CAMTA1: variants seen among roughly 807,000 people sequenced by gnomAD.
CAMTA1 encodes the protein calmodulin binding transcription activator 1.
In CAMTA1, 27 loss-of-function variants were observed where a neutral mutation model predicts 170.9. The ratio of observed to expected loss-of-function variants is 0.16; its 90% CI spans 0.12 to 0.22. The LOEUF (loss-of-function observed/expected upper bound fraction) is 0.22. CAMTA1 is among the 10% of genes least tolerant of loss of function. The pLI, the probability that CAMTA1 is intolerant of heterozygous loss-of-function variation, is 1.00. For synonymous variants in CAMTA1, 833 were observed against 891.5 expected (o/e 0.93, Z 1.17); for missense variants, 1,619 against 2,217.2 (o/e 0.73, Z 5.42).
intron 11 of CAMTA1, among the ~76,000 whole-genome samples, chr1:7,706,114 T>G (rs1412974469): frequency 6.6e-6 from 1 of 152,366 alleles, no homozygotes; most frequent in South Asian, 2.1e-4. Flanking sequence ...GCAGACTGTC[T>G]TCTTAATCAG....
intron 11 of CAMTA1, among the ~76,000 whole-genome samples, chr1:7,704,786 C>T (rs933255779): frequency 2.0e-5 from 3 of 147,260 alleles, no homozygotes; most frequent in Admixed American, 6.7e-5. Flanking sequence ...GCTGAGCGGG[C>T]GCGGGGCCGG....
chr1:7,310,639 T>TC (rs1676380937), intron 5 of CAMTA1, among the ~76,000 whole-genome samples: 1 of 24,154 alleles, frequency 4.1e-5, no homozygotes, highest in African/African-American at 1.8e-4. Flanking sequence ...TTTCTTTCTT[T>TC]CTTTCTTTTT....
chr1:7,442,892 T>G (rs987058537), intron 5 of CAMTA1, among the ~76,000 whole-genome samples: 2 of 152,166 alleles, frequency 1.3e-5, no homozygotes, highest in Non-Finnish European at 1.5e-5. Flanking sequence ...GGTGTTCTTA[T>G]GGAGAAGGCA....
chr1:6,791,475 A>T (rs1641083243), intron 1 of CAMTA1, among the ~76,000 whole-genome samples: 1 of 151,478 alleles, frequency 6.6e-6, no homozygotes, highest in African/African-American at 2.4e-5. Context: ...GATTTTGGAA[A>T]TTTTTTTTTG....
chr1:7,378,076 T>C (rs1374275270), intron 5 of CAMTA1, among the ~76,000 whole-genome samples: 3 of 152,170 alleles, frequency 2.0e-5, no homozygotes, highest in Non-Finnish European at 4.4e-5. Context: ...AGAAAAGGCC[T>C]TTTACAGAAC....
At chr1:7,279,253 C>T (rs1438154802) in intron 5 of CAMTA1, among the ~76,000 whole-genome samples, 1 of 152,182 alleles carries the variant, frequency 6.6e-6, no homozygotes, top group Non-Finnish European at 1.5e-5. Flanking sequence ...AAAAACATTG[C>T]CCACGCTTCT....
At chr1:7,758,044 A>G (rs755018561) in intron 22 of CAMTA1, among the ~76,000 whole-genome samples, 2 of 152,148 alleles carry the variant, frequency 1.3e-5, no homozygotes, top group African/African-American at 2.4e-5. Flanking sequence ...ATATATAGAT[A>G]ATCTTTCTTT....
In CAMTA1 at chr1:7,458,242, C is replaced by T. The variant is rs1039728494; in HGVS notation, c.439-9588C>T. 8.5e-5 allele frequency among the ~76,000 whole-genome samples: 13 copies of T among 152,254 alleles called. No homozygotes were observed. In the South Asian group the frequency reaches 1.0e-3, roughly 12 times the overall value. ...GCACCAGGGCTTCTGATGAGGGAGA[C>T]GGGGTTAACTCCTGCAGGCTTTGCC... On this transcript the variant is annotated intron_variant, in intron 5 of 22. Transcript: ENST00000303635.
At chr1:6,925,688 G>T (rs1413100444) in intron 3 of CAMTA1, among the ~76,000 whole-genome samples, 3 of 152,174 alleles carry the variant, frequency 2.0e-5, no homozygotes, top group African/African-American at 7.2e-5. Context: ...GGAGCAACTA[G>T]CCCCGTGGAG....
chr1:7,765,652 A>G lies in CAMTA1; in HGVS notation c.4990-807A>G, dbSNP rs2097015771. On this transcript the variant is annotated intron_variant, in intron 22 of 22. Coordinates refer to ENST00000303635, the MANE Select transcript of CAMTA1 (RefSeq NM_015215.4). ...AACCTGTGTGAAGGAGTAGAGTTGT[A>G]CAGATGTATGATTAGGTTCAAGAAA... 2.0e-5 allele frequency among the ~76,000 whole-genome samples: 3 copies of G among 152,238 alleles called. No homozygotes were observed. The South Asian group carries it at 6.2e-4, about 31-fold the overall frequency.
intron 9 of CAMTA1, among the ~76,000 whole-genome samples, chr1:7,669,571 A>G (rs928572465): frequency 3.3e-5 from 5 of 152,160 alleles, no homozygotes; most frequent in African/African-American, 4.8e-5. Flanking sequence ...GCAGTGGGGA[A>G]GGTGGGCTCA....
chr1:7,014,136 G>T lies in CAMTA1; in HGVS notation c.235-77168G>T, dbSNP rs933926477. On this transcript the variant is annotated intron_variant, in intron 3 of 22. Transcript: ENST00000303635. The surrounding 1 kb of genome is among the most constrained non-coding windows in gnomAD (Gnocchi z 4.2). ...GCTGGCTGGGGCAGCGCCTGGGCAG[G>T]GCTGTGTGCCTCAGAGGGTGCCCTC... The T allele has an allele frequency of 6.6e-6, 1 of 152,432 alleles. No individual in the cohort carries two copies. Among genetic ancestry groups the T allele is most frequent in the Non-Finnish European group, 1.5e-5 (1 of 68,210 alleles). The allele number at this position is 152,432 out of a possible 1,614,324, so 9.4% of individuals were successfully genotyped here.
chr1:7,100,069 A>T (rs558036150), intron 4 of CAMTA1, among the ~76,000 whole-genome samples: 1 of 152,154 alleles, frequency 6.6e-6, no homozygotes, highest in East Asian at 1.9e-4. Flanking sequence ...TTCCCACCCC[A>T]TTCCTAACTT....
intron 4 of CAMTA1, among the ~76,000 whole-genome samples, chr1:7,176,595 G>A (rs909443092): frequency 3.3e-5 from 5 of 152,282 alleles, no homozygotes; most frequent in Admixed American, 2.0e-4. Context: ...CAGCTCGTTC[G>A]CACTTTTTCC....
At position 7,241,504 on chromosome 1, in the gene CAMTA1, AAAG is replaced by A. The variant is rs769122134; in HGVS notation, c.303-7981_303-7979del. Among the ~76,000 whole-genome samples, 18 of 152,378 alleles carry A rather than the reference AAAG, an allele frequency of 1.2e-4. No individual in the cohort carries two copies. The East Asian group carries it at 2.7e-3, about 23-fold the overall frequency. On this transcript the variant is annotated intron_variant, in intron 4 of 22. Coordinates refer to ENST00000303635, the MANE Select transcript of CAMTA1 (RefSeq NM_015215.4). ...TTAAAATAGCCAAAACAGTTTTGAA[AAAG>A]AAGAACAAAGTTGGAGGACTTATAG...
intron 3 of CAMTA1, among the ~76,000 whole-genome samples, chr1:6,835,402 G>A (rs765794141): frequency 2.0e-5 from 3 of 152,142 alleles, no homozygotes; most frequent in South Asian, 2.1e-4. Context: ...GGTGATTTCC[G>A]TAAAGGAGAA....
intron 5 of CAMTA1, among the ~76,000 whole-genome samples, chr1:7,383,709 G>A (rs1296461484): frequency 6.6e-6 from 1 of 152,138 alleles, no homozygotes; most frequent in Non-Finnish European, 1.5e-5. Context: ...TGTCGAACAA[G>A]ATGATGGTGA....
At position 7,609,055 on chromosome 1, in the gene CAMTA1, G is replaced by A. The variant is rs1023700694; in HGVS notation, c.511-31345G>A. Among the ~76,000 whole-genome samples, 4 of 152,108 alleles carry A rather than the reference G, an allele frequency of 2.6e-5. No homozygotes were observed. The highest frequency in any genetic ancestry group is 1.9e-4 in the East Asian group (1 of 5,146). ...TCTCCTGATGCAGGCTGGGCCCCCC[G>A]CAGGGGTGGGGGCAGTGCTGAGTCA... On this transcript the variant is annotated intron_variant, in intron 6 of 22. Transcript: ENST00000303635. This position sits in a 1 kb window ranked among gnomAD's most constrained non-coding sequence, Gnocchi z 4.4.
At chr1:7,457,947 C>T in intron 5 of CAMTA1, among the ~76,000 whole-genome samples, 1 of 152,320 alleles carries the variant, frequency 6.6e-6, no homozygotes, top group Middle Eastern at 3.4e-3. Flanking sequence ...TCCTGTCCCC[C>T]ACGGCCAGAG....
Sources: allele counts gnomAD v4.1 joint callset (sites outside exome capture counted in the v4.1 genomes callset), GRCh38; gene constraint gnomAD v4.1.1; non-coding constraint Gnocchi (gnomAD v3.1); transcripts MANE v1.5; gene names NCBI Gene and HGNC (gene_info 2026-07-23, HGNC 2026-07-21).